Variants in CSPP1 observed in about 807,000 individuals in gnomAD.
CSPP1 encodes centrosome and spindle pole-associated protein 1.
In CSPP1, 126 loss-of-function variants were observed where a neutral mutation model predicts 164.4. The observed-to-expected ratio is 0.77, with a 90% CI of 0.66 to 0.89. The LOEUF is 0.89. Among genes scored for constraint, CSPP1 ranks in the 40% least tolerant of loss-of-function variants. The pLI, the probability that CSPP1 is intolerant of heterozygous loss-of-function variation, is 0.00. For synonymous variants in CSPP1, 472 were observed against 476.7 expected, an observed-to-expected ratio of 0.99 and a Z score of 0.13; for missense variants, 1,395 against 1,449.8, an observed-to-expected ratio of 0.96 and a Z score of 0.61.
chr8:67,177,074 A>G (rs1831868231), intron 26 of CSPP1, among the ~76,000 whole-genome samples: 2 of 151,070 alleles, frequency 1.3e-5, no homozygotes, highest in African/African-American at 4.9e-5. Context: ...TAGTCTCAAA[A>G]AAAAAAAAAA....
In CSPP1 at chr8:67,181,324, C is replaced by T. The variant is rs190312131; in HGVS notation, c.3220+1398C>T. On this transcript the variant is annotated intron_variant, in intron 28 of 30. Coordinates refer to ENST00000678616, the MANE Select transcript of CSPP1 (RefSeq NM_001382391.1). ...AATTGCTGGGATTACAGGCATGAGC[C>T]ACTGTACCTGGCCATTTTTTTTTTT... 1.4e-3 allele frequency among the ~76,000 whole-genome samples: 215 copies of T among 150,898 alleles called. 1 individual carries two copies. The highest frequency in any genetic ancestry group is 5.1e-3 in the African/African-American group (210 of 40,916).
At position 67,091,838 on chromosome 8, in the gene CSPP1, T is replaced by TGAA; in HGVS notation, c.339_340insGAA (p.Ser113_Thr114insGlu). 7.4e-7 allele frequency: 1 copy of TGAA among 1,351,058 alleles called. No homozygotes were observed. The highest frequency in any genetic ancestry group is 9.9e-7 in the Non-Finnish European group (1 of 1,012,832). 83.7% of individuals were successfully genotyped at this position (1,351,058 alleles called of 1,614,324 possible). A position where few individuals can be genotyped will look rare whatever the true frequency, so the allele number is the denominator to read the frequency against. On this transcript the variant is annotated inframe_insertion, in exon 5 of 31. Transcript: ENST00000678616. ...TATCTACGAGTGAAACAGATCCATC[T>TGAA]ACTTTGGGAGTTTCTCTTCCTATTG...
chr8:67,121,615 CTTG>C (rs1818991025), intron 15 of CSPP1, among the ~76,000 whole-genome samples: 1 of 151,966 alleles, frequency 6.6e-6, no homozygotes. Context: ...CATATGTGAT[CTTG>C]TTGTAGTTTC....
rs764812441 is a variant in CSPP1, at chr8:67,095,300, G to A, written c.491G>A (p.Ser164Asn). Reference sequence around the variant, plus strand: ...TCTTTTTTAATTGAACAGCCCAAGAGTCAGAGAAATAAAAAACCTATTGGT... The same window carrying A: ...TCTTTTTTAATTGAACAGCCCAAGAATCAGAGAAATAAAAAACCTATTGGT... ...RQVEKSTEPK[S>N]QRNKKPIGQV... The change falls in exon 7 of 31, where the codon AGT becomes AAT. Residue 164 changes from serine (S) to asparagine (N), a missense_variant. Transcript: ENST00000678616. The A allele has an allele frequency of 3.8e-6, 6 of 1,561,178 alleles. No individual in the cohort carries two copies. In the African/African-American group the frequency reaches 8.3e-5, roughly 22 times the overall value.
intron 17 of CSPP1, among the ~76,000 whole-genome samples, chr8:67,141,104 T>C (rs911849456): frequency 6.6e-6 from 1 of 152,212 alleles, no homozygotes; most frequent in Non-Finnish European, 1.5e-5. Context: ...AGTGAAACAT[T>C]GGAAAACATT....
chr8:67,177,624 T>C, intron 26 of CSPP1, 56 bp from the exon 27 acceptor site: 1 of 1,123,662 alleles, frequency 8.9e-7, no homozygotes, highest in South Asian at 1.4e-5. Context: ...AAATTTAATT[T>C]ATATAGTAAG....
chr8:67,074,282 A>C lies in CSPP1; in HGVS notation c.30A>C (p.Glu10Asp). The change falls in exon 2 of 31, where the codon GAA becomes GAC. Residue 10 changes from glutamate (E) to aspartate (D), a missense_variant. Physicochemically the swap from Glu to Asp is conservative, Grantham distance 45 (BLOSUM62 2). Coordinates refer to ENST00000678616, the MANE Select transcript of CSPP1 (RefSeq NM_001382391.1). ...CTGATAATTTGGATGAATTTATTGA[A>C]GAGCAAAAAGCCAGATTGGCCGAAG... MADNLDEFI[E>D]EQKARLAEDK... The C allele has an allele frequency of 6.2e-7, 1 of 1,611,448 alleles. No homozygotes were observed. The highest frequency in any genetic ancestry group is 8.5e-7 in the Non-Finnish European group (1 of 1,178,776).
chr8:67,140,801 C>T (rs1823341776), intron 17 of CSPP1, among the ~76,000 whole-genome samples: 2 of 152,164 alleles, frequency 1.3e-5, no homozygotes, highest in East Asian at 1.9e-4. Flanking sequence ...ACTCAGGGAT[C>T]CATTGTTTCA....
intron 29 of CSPP1, among the ~76,000 whole-genome samples, chr8:67,193,236 CTA>C (rs1836911104): frequency 1.3e-5 from 2 of 152,070 alleles, no homozygotes; most frequent in East Asian, 3.9e-4. Context: ...TAGCCGGGGA[CTA>C]CAGGCGCCTG....
intron 18 of CSPP1, among the ~76,000 whole-genome samples, chr8:67,153,178 G>A (rs577797830): frequency 6.6e-6 from 1 of 152,100 alleles, no homozygotes; most frequent in African/African-American, 2.4e-5. Context: ...CTCCAGCCTG[G>A]GTGACAGAGC....
intron 18 of CSPP1, among the ~76,000 whole-genome samples, chr8:67,151,809 G>T (rs1037825681): frequency 6.6e-6 from 1 of 151,854 alleles, no homozygotes; most frequent in Admixed American, 6.6e-5. Flanking sequence ...GAATTAATTG[G>T]CTGGGTGCAG....
At chr8:67,151,475 T>A (rs556013409) in intron 18 of CSPP1, among the ~76,000 whole-genome samples, 14 of 152,188 alleles carry the variant, frequency 9.2e-5, no homozygotes, top group Non-Finnish European at 1.5e-4. Flanking sequence ...TACCTGGTAT[T>A]GTTTGTAGTT....
chr8:67,131,959 T>C lies in CSPP1; in HGVS notation c.1706T>C (p.Val569Ala), dbSNP rs768734131. Residue 569 changes from valine to alanine, a missense_variant, in exon 16 of 31, where the codon GTT (valine) becomes GCT (alanine). Physicochemically the swap from Val to Ala is moderately conservative, Grantham distance 64. Transcript: ENST00000678616. The stretch of plus-strand genomic sequence containing the variant: ...TTGTGTATTTGATGTAGGAATACGG[T>C]TGGACAGAATGAACTGAAGATTACA... ...HQLAQPVVNT[V>A]GQNELKITSD... 2 of 1,608,836 alleles carry C rather than the reference T, an allele frequency of 1.2e-6. No individual in the cohort carries two copies. The highest frequency in any genetic ancestry group is 1.1e-5 in the South Asian group (1 of 90,068).
chr8:67,189,217 C>T (rs780562343), intron 28 of CSPP1, among the ~76,000 whole-genome samples: 66 of 152,268 alleles, frequency 4.3e-4, no homozygotes, highest in Non-Finnish European at 7.6e-4. Flanking sequence ...CAGCTTCTTA[C>T]AAAAATAAGC....
At chr8:67,174,294 G>C (rs930665085) in intron 25 of CSPP1, 1 of 151,866 alleles carries the variant, frequency 6.6e-6, no homozygotes, top group African/African-American at 2.4e-5. Context: ...TCACTATTTT[G>C]TTCTTTTGAT....
At chr8:67,189,580 T>C (rs1013935124) in intron 28 of CSPP1, among the ~76,000 whole-genome samples, 1 of 152,246 alleles carries the variant, frequency 6.6e-6, no homozygotes, top group Non-Finnish European at 1.5e-5. Context: ...TGAATATCAA[T>C]TATATGTTAA....
chr8:67,171,774 C>T (rs542740279), intron 24 of CSPP1, among the ~76,000 whole-genome samples: 2 of 152,188 alleles, frequency 1.3e-5, no homozygotes, highest in South Asian at 4.1e-4. Context: ...TCTCAAACTC[C>T]TGACCTCAGG....
intron 7 of CSPP1, among the ~76,000 whole-genome samples, chr8:67,096,692 C>G (rs973355406): frequency 6.6e-6 from 1 of 151,666 alleles, no homozygotes; most frequent in Non-Finnish European, 1.5e-5. Context: ...TGGTGAAACC[C>G]CATCTCTACT....
At chr8:67,167,641 C>T (rs975256533) in intron 24 of CSPP1, among the ~76,000 whole-genome samples, 2 of 151,136 alleles carry the variant, frequency 1.3e-5, no homozygotes, top group African/African-American at 4.9e-5. Context: ...GGCAGAGACG[C>T]TCCTCACCTC....
Sources: allele counts gnomAD v4.1 joint callset (sites outside exome capture counted in the v4.1 genomes callset), GRCh38; gene constraint gnomAD v4.1.1; transcripts MANE v1.5; gene names NCBI Gene and HGNC (gene_info 2026-07-23, HGNC 2026-07-21).